The following MRPS27 variants were observed in gnomAD, a reference collection of about 807,000 sequenced individuals.
The protein encoded by MRPS27 is small ribosomal subunit protein mS27.
Under a neutral mutation model 48.9 loss-of-function variants are expected in MRPS27, and 43 were observed. The observed-to-expected ratio is 0.88, with a 90% CI of 0.69 to 1.13. The LOEUF is 1.13. Ranked by LOEUF, MRPS27 falls within the 50% of genes most tolerant of loss-of-function variation. MRPS27 has a pLI of 0.00. For missense variants in MRPS27, 467 were observed against 476.3 expected, an observed-to-expected ratio of 0.98 and a Z score of 0.18; for synonymous variants, 188 against 171.9, an observed-to-expected ratio of 1.09 and a Z score of -0.73.
intron 4 of MRPS27, among the ~76,000 whole-genome samples, chr5:72,243,269 A>G (rs570668068): frequency 1.3e-3 from 200 of 152,318 alleles, no homozygotes; most frequent in African/African-American, 4.7e-3. Context: ...ACTAGAACCA[A>G]AGACCAAGAG....
At chr5:72,300,373 T>C (rs957147647) in intron 2 of MRPS27, among the ~76,000 whole-genome samples, 1 of 152,230 alleles carries the variant, frequency 6.6e-6, no homozygotes, top group Non-Finnish European at 1.5e-5. Context: ...GATCTCATTC[T>C]CTGCCACGCC....
intron 5 of MRPS27, 136 bp from the exon 6 acceptor site, chr5:72,234,333 TG>T: frequency 1.3e-6 from 1 of 787,114 alleles, no homozygotes; most frequent in Non-Finnish European, 1.7e-6. Flanking sequence ...TTACAGCATC[TG>T]TGACAGTGAA....
At chr5:72,303,264 A>C (rs1750170011) in intron 2 of MRPS27, among the ~76,000 whole-genome samples, 1 of 152,176 alleles carries the variant, frequency 6.6e-6, no homozygotes, top group Non-Finnish European at 1.5e-5. Flanking sequence ...TTGTACATTT[A>C]AATATACATA....
At chr5:72,312,064 G>A (rs1358349161) in intron 2 of MRPS27, among the ~76,000 whole-genome samples, 1 of 152,120 alleles carries the variant, frequency 6.6e-6, no homozygotes, top group African/African-American at 2.4e-5. Flanking sequence ...CCCAGGAGGC[G>A]GAGGTTGCAG....
At chr5:72,318,202 C>T (rs1185611938) in intron 1 of MRPS27, among the ~76,000 whole-genome samples, 1 of 152,142 alleles carries the variant, frequency 6.6e-6, no homozygotes. Context: ...AAGTGGTTGT[C>T]ATGTTGTATT....
intron 4 of MRPS27, among the ~76,000 whole-genome samples, chr5:72,240,994 C>T (rs934914537): frequency 7.2e-5 from 11 of 152,224 alleles, no homozygotes; most frequent in Non-Finnish European, 1.5e-4. Context: ...TCTCTAAGCC[C>T]TAACAATCTT....
intron 4 of MRPS27, among the ~76,000 whole-genome samples, chr5:72,267,489 A>C (rs1279065123): frequency 6.6e-6 from 1 of 152,210 alleles, no homozygotes; most frequent in Non-Finnish European, 1.5e-5. Flanking sequence ...TCATTAAATA[A>C]GTTCAAACAA....
At chr5:72,244,462 C>G (rs914737947) in intron 4 of MRPS27, among the ~76,000 whole-genome samples, 5 of 152,142 alleles carry the variant, frequency 3.3e-5, no homozygotes, top group Non-Finnish European at 7.3e-5. Flanking sequence ...TTATCCACAT[C>G]CTCTCATGAA....
chr5:72,234,426 G>A (rs1748147392), intron 5 of MRPS27, among the ~76,000 whole-genome samples: 1 of 151,670 alleles, frequency 6.6e-6, no homozygotes, highest in Admixed American at 6.6e-5. Flanking sequence ...TAAGACAACT[G>A]ATAATGTAAA....
At chr5:72,295,352 C>T (rs1580107745) in intron 4 of MRPS27, 179 bp downstream of exon 4, 6 of 527,838 alleles carry the variant, frequency 1.1e-5, no homozygotes, top group African/African-American at 9.8e-5. Flanking sequence ...ATAATAAACT[C>T]ACAGTATGGA....
intron 4 of MRPS27, chr5:72,241,460 A>C: frequency 1.4e-5 from 8 of 576,952 alleles, no homozygotes; most frequent in South Asian, 1.1e-4. Context: ...AGATAAACTT[A>C]CGTGAGTGGC....
intron 4 of MRPS27, chr5:72,294,563 AG>A (rs1377993845): frequency 3.3e-5 from 5 of 152,192 alleles, no homozygotes; most frequent in Non-Finnish European, 7.4e-5. Flanking sequence ...TTGTTTGACC[AG>A]TTCTTTATTT....
intron 4 of MRPS27, among the ~76,000 whole-genome samples, chr5:72,263,308 A>G (rs1749030886): frequency 6.6e-6 from 1 of 152,128 alleles, no homozygotes; most frequent in Admixed American, 6.5e-5. Context: ...CATAAAACTT[A>G]AAGCCATAAA....
At chr5:72,251,684 G>A (rs972717402) in intron 4 of MRPS27, among the ~76,000 whole-genome samples, 1 of 152,170 alleles carries the variant, frequency 6.6e-6, no homozygotes, top group Non-Finnish European at 1.5e-5. Context: ...AGGATAAACC[G>A]AACTACTGAA....
rs1748634179 is a variant in MRPS27 at position 72,250,395 on chromosome 5, T to TA, written c.282-12268dup. ...ACTCTGCATTCAAGGGCCTGTCTGA[T>TA]AGAGAACTGAACCAAACCACAGTAA... On this transcript the variant is annotated intron_variant, in intron 4 of 10. Transcript: ENST00000261413. Among the ~76,000 whole-genome samples the TA allele has an allele frequency of 2.6e-5, 4 of 152,268 alleles. No homozygotes were observed. In the South Asian group the frequency reaches 8.3e-4, roughly 32 times the overall value.
chr5:72,306,645 CTAAAT>C (rs1322368034), intron 2 of MRPS27, among the ~76,000 whole-genome samples: 6 of 151,940 alleles, frequency 3.9e-5, no homozygotes, highest in Admixed American at 3.3e-4. Flanking sequence ...TTTCAACAAA[CTAAAT>C]TAAAAAGAAA....
At chr5:72,248,669 T>A (rs1201806122) in intron 4 of MRPS27, among the ~76,000 whole-genome samples, 14 of 70,296 alleles carry the variant, frequency 2.0e-4, no homozygotes, top group South Asian at 5.7e-4. Context: ...CATTTTCATT[T>A]AAAAAAAAAA....
chr5:72,302,490 AAAG>A (rs1488087362), intron 2 of MRPS27, among the ~76,000 whole-genome samples: 5 of 152,272 alleles, frequency 3.3e-5, no homozygotes, highest in Admixed American at 6.5e-5. Context: ...TCCTAAGCTC[AAAG>A]AAGATACTGA....
intron 2 of MRPS27, among the ~76,000 whole-genome samples, chr5:72,312,621 ATTTTT>A (rs1053626658): frequency 7.2e-6 from 1 of 138,212 alleles, no homozygotes; most frequent in Non-Finnish European, 1.6e-5. Context: ...AATCATACTG[ATTTTT>A]TTTTTTTTTT....
Sources: gnomAD v4.1 joint callset for allele counts (sites outside exome capture counted in the v4.1 genomes callset) on GRCh38, gnomAD v4.1.1 for gene constraint, MANE v1.5 for transcripts, NCBI Gene and HGNC (gene_info 2026-07-23, HGNC 2026-07-21) for gene names.